Variants in PDZRN3 observed in about 807,000 individuals in gnomAD.
PDZRN3 encodes the protein E3 ubiquitin-protein ligase PDZRN3.
In PDZRN3, 38 loss-of-function variants were observed where a neutral mutation model predicts 85.7. The observed-to-expected ratio is 0.44, with a 90% CI of 0.34 to 0.58. The LOEUF is 0.58. Among genes scored for constraint, PDZRN3 ranks in the 20% least tolerant of loss-of-function variants. PDZRN3 has a pLI of 0.01. For synonymous variants in PDZRN3, 759 were observed against 638.0 expected, an observed-to-expected ratio of 1.19 and a Z score of -2.86; for missense variants, 1,629 against 1,506.4, an observed-to-expected ratio of 1.08 and a Z score of -1.35.
At chr3:73,401,037 C>T (rs1168502837) in intron 4 of PDZRN3, 28 bp from the exon 5 acceptor site, 2 of 1,499,070 alleles carry the variant, frequency 1.3e-6, no homozygotes, top group Admixed American at 1.7e-5. Flanking sequence ...ATCTTTACAG[C>T]CCTTCTTCCG....
At chr3:73,610,331 A>G (rs529400641) in intron 1 of PDZRN3, among the ~76,000 whole-genome samples, 1 of 152,338 alleles carries the variant, frequency 6.6e-6, no homozygotes, top group East Asian at 1.9e-4. Flanking sequence ...AGCCTCTTTA[A>G]TGACAGGCTA....
At chr3:73,555,773 G>T in intron 3 of PDZRN3, among the ~76,000 whole-genome samples, 1 of 152,086 alleles carries the variant, frequency 6.6e-6, no homozygotes, top group South Asian at 2.1e-4. Flanking sequence ...GGTAACCTTG[G>T]TTTTCTATTT....
intron 3 of PDZRN3, among the ~76,000 whole-genome samples, chr3:73,486,966 T>G (rs1316829061): frequency 6.6e-6 from 1 of 152,228 alleles, no homozygotes; most frequent in Non-Finnish European, 1.5e-5. Context: ...GTCTTTTTGC[T>G]CCAAAGTTGG....
chr3:73,414,603 G>A (rs918187929), intron 3 of PDZRN3, among the ~76,000 whole-genome samples: 73 of 152,308 alleles, frequency 4.8e-4, no homozygotes, highest in African/African-American at 1.8e-3. Flanking sequence ...AGAAAATGCT[G>A]TTGATATTAA....
intron 3 of PDZRN3, among the ~76,000 whole-genome samples, chr3:73,446,975 G>A (rs1396627370): frequency 6.6e-6 from 1 of 150,792 alleles, no homozygotes; most frequent in East Asian, 1.9e-4. Flanking sequence ...CAATGATATG[G>A]AAGGATTCCT....
At chr3:73,401,054 G>A (rs1701738963) in intron 4 of PDZRN3, 45 bp from the exon 5 acceptor site, 1 of 1,419,186 alleles carries the variant, frequency 7.0e-7, no homozygotes, top group South Asian at 1.1e-5. Flanking sequence ...TCCGTTGTCA[G>A]TATCTGTTTT....
Position 73,383,428 on chromosome 3 carries a change from G to A in PDZRN3, c.3138C>T (p.His1046=). 1.9e-6 allele frequency: 3 copies of A among 1,614,016 alleles called. No homozygotes were observed. The highest frequency in any genetic ancestry group is 1.1e-5 in the South Asian group (1 of 91,076). The change falls in exon 10 of 10, where the codon CAC becomes CAT. Residue 1046 remains histidine, a synonymous_variant. Coordinates refer to ENST00000263666, the MANE Select transcript of PDZRN3 (RefSeq NM_015009.3). Reference sequence around the variant, plus strand: ...TAGTGCCGTCCGGGGATTTTGTGCCGTGGGTTAAGAGTTCTTGGATCGTCA... The same window carrying A: ...TAGTGCCGTCCGGGGATTTTGTGCCATGGGTTAAGAGTTCTTGGATCGTCA... ...NWMTIQELLT[H]GTKSPDGTRV...
intron 3 of PDZRN3, chr3:73,407,987 T>C: frequency 1.7e-6 from 1 of 600,750 alleles, no homozygotes; most frequent in East Asian, 2.8e-5. Flanking sequence ...AGAAATGCCC[T>C]GTCATCCCAC....
chr3:73,404,473 T>A, intron 3 of PDZRN3, 78 bp from the exon 4 acceptor site: 1 of 1,456,830 alleles, frequency 6.9e-7, no homozygotes, highest in Non-Finnish European at 9.3e-7. Flanking sequence ...ATTGCCTGCT[T>A]TCATGTGTAA....
At chr3:73,468,480 G>C (rs1407519374) in intron 3 of PDZRN3, among the ~76,000 whole-genome samples, 1 of 150,834 alleles carries the variant, frequency 6.6e-6, no homozygotes, top group South Asian at 2.1e-4. Context: ...AAGCACATTT[G>C]GAAATTATAG....
chr3:73,457,476 T>C (rs1229191600), intron 3 of PDZRN3, among the ~76,000 whole-genome samples: 6 of 152,078 alleles, frequency 3.9e-5, no homozygotes, highest in Admixed American at 3.9e-4. Context: ...TATGGGTTTG[T>C]TGGGTTCCAG....
intron 3 of PDZRN3, among the ~76,000 whole-genome samples, chr3:73,414,371 G>T (rs573344602): frequency 6.6e-6 from 1 of 152,306 alleles, no homozygotes; most frequent in East Asian, 1.9e-4. Context: ...CCTGGGTCTT[G>T]TGGATTTGTG....
At chr3:73,538,225 G>C (rs1445499817) in intron 3 of PDZRN3, among the ~76,000 whole-genome samples, 1 of 152,178 alleles carries the variant, frequency 6.6e-6, no homozygotes, top group Non-Finnish European at 1.5e-5. Context: ...TTTTCCAGCA[G>C]CCACAAAAGA....
intron 3 of PDZRN3, among the ~76,000 whole-genome samples, chr3:73,554,015 GT>G (rs1701629110): frequency 6.6e-6 from 1 of 152,216 alleles, no homozygotes; most frequent in Non-Finnish European, 1.5e-5. Context: ...GCAGCTGGAG[GT>G]ACAAAGTAGA....
intron 3 of PDZRN3, among the ~76,000 whole-genome samples, chr3:73,438,957 T>A (rs558938250): frequency 6.6e-6 from 1 of 152,246 alleles, no homozygotes; most frequent in African/African-American, 2.4e-5. Flanking sequence ...ACATAGGCCA[T>A]GACCTCTGCC....
chr3:73,500,258 A>T (rs879372774), intron 3 of PDZRN3, among the ~76,000 whole-genome samples: 3 of 152,204 alleles, frequency 2.0e-5, no homozygotes, highest in Non-Finnish European at 4.4e-5. Flanking sequence ...TATATTGCCC[A>T]GGCTGGTATG....
At position 73,388,085 on chromosome 3, in the gene PDZRN3, G is replaced by C. The variant is rs200178819; in HGVS notation, c.1417-16C>G. On this transcript the variant is annotated splice_polypyrimidine_tract_variant and intron_variant, in intron 7 of 9. Transcript: ENST00000263666. ...TCCCATTAATCTTTTAAAAAAAAAG[G>C]GGGGGTGGGGAGAGTGGGGAGACAA... The C allele has an allele frequency of 2.5e-5, 29 of 1,139,088 alleles. No homozygotes were observed. In the East Asian group the frequency reaches 4.5e-4, roughly 18 times the overall value. The allele number at this position is 1,139,088 out of a possible 1,614,324, so 70.6% of individuals were successfully genotyped here.
At chr3:73,468,833 G>A (rs1227934473) in intron 3 of PDZRN3, among the ~76,000 whole-genome samples, 2 of 152,004 alleles carry the variant, frequency 1.3e-5, no homozygotes, top group South Asian at 2.1e-4. Flanking sequence ...AATAAACTTG[G>A]GCTTATCACC....
At position 73,387,600 on chromosome 3, in the gene PDZRN3, A is replaced by ATACTC. The variant is rs1701423269; in HGVS notation, c.1518+363_1518+367dup. On this transcript the variant is annotated intron_variant, in intron 8 of 9. Transcript: ENST00000263666. ...TTGAAAGAGCAAGTTTTAATTCCCC[A>ATACTC]TACTCTGCTATTGTAAATGAAACCT... Among the ~76,000 whole-genome samples the ATACTC allele has an allele frequency of 2.0e-5, 3 of 152,266 alleles. No homozygotes were observed. In the South Asian group the frequency reaches 6.2e-4, roughly 32 times the overall value.
Sources: allele counts gnomAD v4.1 joint callset (sites outside exome capture counted in the v4.1 genomes callset), GRCh38; gene constraint gnomAD v4.1.1; transcripts MANE v1.5; gene names NCBI Gene and HGNC (gene_info 2026-07-23, HGNC 2026-07-21).